The following PIEZO2 variants were observed in gnomAD, a reference collection of about 807,000 sequenced individuals.
The protein encoded by PIEZO2 is piezo type mechanosensitive ion channel component 2, also known as piezo-type mechanosensitive ion channel component 2.
PIEZO2 carries 172 observed loss-of-function variants against 337.3 expected under a neutral mutation model. The ratio of observed to expected loss-of-function variants is 0.51; its 90% CI spans 0.45 to 0.58. PIEZO2 has a LOEUF of 0.58. PIEZO2 is among the 20% of genes least tolerant of loss of function. The pLI is 0.00. For synonymous variants in PIEZO2, 1,251 were observed against 1,228.5 expected, an observed-to-expected ratio of 1.02 and a Z score of -0.38; for missense variants, 3,028 against 3,391.3, an observed-to-expected ratio of 0.89 and a Z score of 2.66.
Position 11,107,124 on chromosome 18 carries a change from G to A in PIEZO2, c.65-40902C>T, listed in dbSNP as rs117237863. Among the ~76,000 whole-genome samples, 1,223 of 152,272 alleles carry A rather than the reference G, an allele frequency of 8.0e-3. 24 individuals carry two copies. The highest frequency in any genetic ancestry group is 0.034 in the East Asian group (176 of 5,180). ...AGGGGAAGGGGAGGTAGATTAACAAGCTGTCTGAATTCTTTTAAAGATAGA... is the reference window on the plus strand; with the variant it reads ...AGGGGAAGGGGAGGTAGATTAACAAACTGTCTGAATTCTTTTAAAGATAGA... On this transcript the variant is annotated intron_variant, in intron 1 of 55. Coordinates refer to ENST00000674853, the MANE Select transcript of PIEZO2 (RefSeq NM_001378183.1).
rs542441369 is a variant in PIEZO2 at position 10,763,032 on chromosome 18, G to A, written c.3013C>T (p.Arg1005Cys). Residue 1005 changes from arginine to cysteine, a missense_variant, in exon 22 of 56, where the codon CGT becomes TGT. Physicochemically the swap from Arg to Cys is radical, Grantham distance 180. Around this residue, in one of 5 missense-constraint regions of PIEZO2, gnomAD observed 1,925 missense variants for 2,051.9 expected, o/e 0.94. Transcript: ENST00000674853. ...ACTGTGCAGACACTTGAAGCCAGAC[G>A]GCGCAGCTTGGCGTACGGCAGAGCA... is the stretch of plus-strand genomic sequence containing the variant. The part of the protein sequence containing the change: ...AFALPYAKLR[R>C]LASSVCTVWT... 1.4e-4 allele frequency: 214 copies of A among 1,537,318 alleles called. No homozygotes were observed. Among genetic ancestry groups the A allele is most frequent in the Non-Finnish European group, 1.7e-4 (197 of 1,146,904 alleles).
At chr18:10,708,108 A>G (rs3827956) in intron 40 of PIEZO2, among the ~76,000 whole-genome samples, 167 bp downstream of exon 40, 45,978 of 152,168 alleles carry the variant, frequency 0.3, 7,159 homozygotes, top group East Asian at 0.4. Flanking sequence ...CCTGAGAACA[A>G]TTACATCTCA....
In PIEZO2 at chr18:10,789,101, A is replaced by G; in HGVS notation, c.2147T>C (p.Leu716Pro). ...MYKIIYMVLF[L>P]FCVALYQVHY... ...TACCTGGTATAGGGCCACACAGAAC[A>G]GGAACAGCACCATGTAGATGATTTT... Residue 716 changes from leucine (L) to proline (P), a missense_variant, in exon 15 of 56, where the codon CTG (leucine) becomes CCG (proline). Physicochemically the swap from Leu to Pro is moderately conservative, Grantham distance 98. Around this residue, in one of 5 missense-constraint regions of PIEZO2, gnomAD observed 1,925 missense variants for 2,051.9 expected, o/e 0.94. Coordinates refer to ENST00000674853, the MANE Select transcript of PIEZO2 (RefSeq NM_001378183.1). 2.0e-6 allele frequency: 3 copies of G among 1,537,244 alleles called. No individual in the cohort carries two copies. The highest frequency in any genetic ancestry group is 2.6e-6 in the Non-Finnish European group (3 of 1,146,874).
intron 2 of PIEZO2, among the ~76,000 whole-genome samples, chr18:10,997,036 G>A (rs779595139): frequency 2.6e-5 from 4 of 152,070 alleles, no homozygotes; most frequent in African/African-American, 4.8e-5. Context: ...CCCAAATCAT[G>A]CACTCATGGA....
At position 10,730,702 on chromosome 18, in the gene PIEZO2, T is replaced by C. The variant is rs1231454429; in HGVS notation, c.5029+705A>G. Among the ~76,000 whole-genome samples, 7 of 152,208 alleles carry C rather than the reference T, an allele frequency of 4.6e-5. No individual in the cohort carries two copies. The East Asian group carries it at 9.6e-4, about 21-fold the overall frequency. On this transcript the variant is annotated intron_variant, in intron 36 of 55. Transcript: ENST00000674853. ...TGCTTTCCCTTTTTTCTTGATTAAATTGCCAAAGTTTCATCTTTCTTATTG... is the reference window on the plus strand; with the variant it reads ...TGCTTTCCCTTTTTTCTTGATTAAACTGCCAAAGTTTCATCTTTCTTATTG...
intron 4 of PIEZO2, among the ~76,000 whole-genome samples, chr18:10,876,302 G>A (rs1249872807): frequency 6.6e-6 from 1 of 152,212 alleles, no homozygotes; most frequent in Admixed American, 6.5e-5. Flanking sequence ...GAGAAGTTCT[G>A]TAGTAAAACA....
chr18:11,029,033 A>G (rs2036637463), intron 2 of PIEZO2, among the ~76,000 whole-genome samples: 1 of 152,250 alleles, frequency 6.6e-6, no homozygotes, highest in Admixed American at 6.5e-5. Flanking sequence ...TTCGCTGTAA[A>G]CATTTTGTTA....
At chr18:10,927,467 T>C (rs2031816195) in intron 3 of PIEZO2, among the ~76,000 whole-genome samples, 1 of 152,222 alleles carries the variant, frequency 6.6e-6, no homozygotes, top group East Asian at 1.9e-4. Flanking sequence ...GTAACAGTTC[T>C]GTGACAGCCA....
intron 3 of PIEZO2, among the ~76,000 whole-genome samples, chr18:10,947,052 A>G (rs1368711253): frequency 6.6e-6 from 1 of 152,200 alleles, no homozygotes; most frequent in African/African-American, 2.4e-5. Context: ...TTTATGAAAT[A>G]AAAAAGTTAC....
At position 10,773,435 on chromosome 18, in the gene PIEZO2, G is replaced by A; in HGVS notation, c.2762C>T (p.Ser921Phe). ...SEEDGEEEEE[S>F]EEEEETSDLR... ...ACCTGATGTTTCTTCCTCCTCCTCG[G>A]ATTCCTCCTCTTCCTCTCCGTCCTC... The change falls in exon 20 of 56, where the codon TCC becomes TTC. Residue 921 changes from serine (S) to phenylalanine (F), a missense_variant. Physicochemically the swap from Ser to Phe is radical, Grantham distance 155. This residue lies in a region of PIEZO2 where 1,925 missense variants were observed against 2,051.9 expected (regional missense o/e 0.94). Transcript: ENST00000674853. The surrounding 1 kb of genome is among the most constrained non-coding windows in gnomAD (Gnocchi z 5.3). The A allele has an allele frequency of 6.5e-7, 1 of 1,537,262 alleles. No homozygotes were observed. Among genetic ancestry groups the A allele is most frequent in the Non-Finnish European group, 8.7e-7 (1 of 1,146,944 alleles).
rs2039496796 is a variant in PIEZO2, at chr18:11,104,210, TA to T, written c.65-37989del. ...TAATGCACCAGGAGAATGGTCTATG[TA>T]ACACTTGGAGCCCAGAATTTGGAGG... On this transcript the variant is annotated intron_variant, in intron 1 of 55. Coordinates refer to ENST00000674853, the MANE Select transcript of PIEZO2 (RefSeq NM_001378183.1). The surrounding 1 kb of genome is among the most constrained non-coding windows in gnomAD (Gnocchi z 4.6). Among the ~76,000 whole-genome samples the T allele has an allele frequency of 6.6e-6, 1 of 152,174 alleles. No individual in the cohort carries two copies. Among genetic ancestry groups the T allele is most frequent in the Non-Finnish European group, 1.5e-5 (1 of 68,030 alleles).
chr18:10,749,765 G>C (rs985190551), intron 29 of PIEZO2, among the ~76,000 whole-genome samples: 1 of 152,166 alleles, frequency 6.6e-6, no homozygotes, highest in Non-Finnish European at 1.5e-5. Context: ...AGCAACAGCA[G>C]GTTTGAGTGG....
In PIEZO2 at chr18:10,748,898, T is replaced by G. The variant is rs2037533653; in HGVS notation, c.4265-268A>C. Reference sequence around the variant, plus strand: ...TTTTACGTGGGAGGCCTCTTGAGTATTTCTCTCTCTTAGGAAGAAAGGGAC... The same window carrying G: ...TTTTACGTGGGAGGCCTCTTGAGTAGTTCTCTCTCTTAGGAAGAAAGGGAC... On this transcript the variant is annotated intron_variant, in intron 29 of 55. Transcript: ENST00000674853. The surrounding 1 kb of genome is among the most constrained non-coding windows in gnomAD (Gnocchi z 5.1). 6.6e-6 allele frequency among the ~76,000 whole-genome samples: 1 copy of G among 152,144 alleles called. No individual in the cohort carries two copies. The highest frequency in any genetic ancestry group is 1.9e-4 in the East Asian group (1 of 5,180).
chr18:10,693,355 T>TG (rs1175927533), intron 47 of PIEZO2, among the ~76,000 whole-genome samples: 35 of 59,142 alleles, frequency 5.9e-4, no homozygotes, highest in African/African-American at 1.5e-3. Flanking sequence ...CAATCTGGAT[T>TG]TTGTGTGTGT....
At chr18:10,801,255 T>A in intron 10 of PIEZO2, 135 bp downstream of exon 10, 1 of 669,240 alleles carries the variant, frequency 1.5e-6, no homozygotes, top group Non-Finnish European at 2.4e-6. Flanking sequence ...CTACCAGATA[T>A]AATTTATGCC....
rs1408147388 is a variant in PIEZO2 at position 11,128,061 on chromosome 18, T to C, written c.64+20464A>G. 6.6e-6 allele frequency among the ~76,000 whole-genome samples: 1 copy of C among 152,034 alleles called. No homozygotes were observed. Among genetic ancestry groups the C allele is most frequent in the African/African-American group, 2.4e-5 (1 of 41,392 alleles). On this transcript the variant is annotated intron_variant, in intron 1 of 55. Transcript: ENST00000674853. This position sits in a 1 kb window ranked among gnomAD's most constrained non-coding sequence, Gnocchi z 4.1. ...AGAGAGTTACACAAAATAAATGCAT[T>C]TGACACTCCTGATTCACCACTCATG...
rs1172910518 is a variant in PIEZO2, at chr18:10,807,277, G to A, written c.918-3C>T. On this transcript the variant is annotated splice_region_variant and splice_polypyrimidine_tract_variant and intron_variant, in intron 7 of 55. Coordinates refer to ENST00000674853, the MANE Select transcript of PIEZO2 (RefSeq NM_001378183.1). ...TTACTGACTTGATACCAAACAACCT[G>A]TTAAAAAACAAAGAAAAATGCTTAA... The A allele has an allele frequency of 2.0e-6, 3 of 1,530,288 alleles. No individual in the cohort carries two copies. 94.8% of individuals were successfully genotyped at this position (1,530,288 alleles called of 1,614,324 possible).
rs1239196960 is a variant in PIEZO2, at chr18:10,797,142, CATCAT to C, written c.1527+227_1527+231del. Among the ~76,000 whole-genome samples, 5 of 151,470 alleles carry C rather than the reference CATCAT, an allele frequency of 3.3e-5. No homozygotes were observed. The East Asian group carries it at 9.7e-4, about 29-fold the overall frequency. ...ATACATACCATCATAGCACACATAC[CATCAT>C]ATCATATTATACATATCATCATATT... On this transcript the variant is annotated intron_variant, in intron 12 of 55. Transcript: ENST00000674853.
chr18:10,725,750 A>G (rs1183431966), intron 36 of PIEZO2, among the ~76,000 whole-genome samples: 2 of 152,162 alleles, frequency 1.3e-5, no homozygotes, highest in Non-Finnish European at 2.9e-5. Flanking sequence ...AGGGCTGGTG[A>G]GGCCCTGACA....
Sources: allele counts gnomAD v4.1 joint callset (sites outside exome capture counted in the v4.1 genomes callset), GRCh38; gene constraint gnomAD v4.1.1; regional missense constraint gnomAD v4.1.1; non-coding constraint Gnocchi (gnomAD v3.1); transcripts MANE v1.5; gene names NCBI Gene and HGNC (gene_info 2026-07-23, HGNC 2026-07-21).